COBLL1: variants seen among roughly 807,000 people sequenced by gnomAD.
COBLL1 encodes the protein cordon-bleu WH2 repeat protein like 1.
In COBLL1, 50 loss-of-function variants were observed where a neutral mutation model predicts 94.8. The ratio of observed to expected loss-of-function variants is 0.53; its 90% CI spans 0.42 to 0.67. The LOEUF is 0.67. COBLL1 is among the 30% of genes least tolerant of loss of function. The probability of loss-of-function intolerance (pLI) is 0.00; values close to 1 mark genes in which losing one functional copy is unlikely to be tolerated. For missense variants in COBLL1, 1,362 were observed against 1,348.7 expected (o/e 1.01, Z -0.15); for synonymous variants, 448 against 473.8 (o/e 0.95, Z 0.71).
Position 164,694,785 on chromosome 2 carries a change from C to CA in COBLL1, c.2606dup (p.Leu869PhefsTer25), listed in dbSNP as rs374805044. The CA allele has an allele frequency of 7.2e-5, 114 of 1,591,242 alleles. No homozygotes were observed. The highest frequency in any genetic ancestry group is 8.2e-5 in the African/African-American group (6 of 73,502). On this transcript the variant is annotated frameshift_variant, in exon 12 of 14. Transcript: ENST00000652658. LOFTEE classifies it high-confidence loss of function. Reference sequence around the variant, plus strand: ...GACCCGATACTCTCTTCTGCATCTGCAAAAAAAAAGAGCTGGGTTTGGCCT... The same window carrying CA: ...GACCCGATACTCTCTTCTGCATCTGCAAAAAAAAAAGAGCTGGGTTTGGCCT...
intron 2 of COBLL1, among the ~76,000 whole-genome samples, chr2:164,760,678 A>C (rs567740891): frequency 7.9e-5 from 12 of 152,200 alleles, no homozygotes; most frequent in Admixed American, 2.6e-4. Flanking sequence ...GAAAGCTAGA[A>C]GAAGGGCACA....
chr2:164,735,408 G>A (rs757142688), intron 3 of COBLL1, among the ~76,000 whole-genome samples: 4 of 152,086 alleles, frequency 2.6e-5, no homozygotes, highest in Non-Finnish European at 4.4e-5. Context: ...CATTAAATAG[G>A]GTTAAGATCT....
chr2:164,666,083 G>A (rs1484655566), intron 1 of COBLL1, among the ~76,000 whole-genome samples: 1 of 152,112 alleles, frequency 6.6e-6, no homozygotes, highest in Non-Finnish European at 1.5e-5. Flanking sequence ...TATAGTTTAT[G>A]TATTGAAACA....
intron 2 of COBLL1, among the ~76,000 whole-genome samples, chr2:164,830,763 T>C (rs1449888514): frequency 6.6e-6 from 1 of 152,190 alleles, no homozygotes; most frequent in African/African-American, 2.4e-5. Context: ...TTCAAAATGA[T>C]GTATGGTAAA....
intron 2 of COBLL1, among the ~76,000 whole-genome samples, chr2:164,665,624 CT>C (rs572891972): frequency 6.3e-4 from 96 of 152,210 alleles, no homozygotes; most frequent in Admixed American, 1.6e-3. Flanking sequence ...ACCATTGCTG[CT>C]ATTTATTCAA....
chr2:164,829,971 A>C (rs1682991581), intron 2 of COBLL1, among the ~76,000 whole-genome samples: 1 of 152,208 alleles, frequency 6.6e-6, no homozygotes, highest in South Asian at 2.1e-4. Flanking sequence ...GGTGTGACAT[A>C]GATCCACATT....
At chr2:164,813,264 A>C (rs1684546401) in intron 2 of COBLL1, among the ~76,000 whole-genome samples, 1 of 152,130 alleles carries the variant, frequency 6.6e-6, no homozygotes, top group East Asian at 1.9e-4. Flanking sequence ...TTTTGGTTTA[A>C]TCAACAAAGA....
intron 13 of COBLL1, chr2:164,687,649 T>C (rs932971739): frequency 2.2e-6 from 2 of 899,348 alleles, no homozygotes; most frequent in African/African-American, 1.6e-5. Flanking sequence ...AAAGGCCTAT[T>C]ATCAAGGTCC....
chr2:164,671,771 G>A (rs2105387738), intron 1 of COBLL1, among the ~76,000 whole-genome samples: 1 of 151,418 alleles, frequency 6.6e-6, no homozygotes, highest in East Asian at 1.9e-4. Flanking sequence ...TACTTGGAAT[G>A]GCTTAGGACA....
At chr2:164,738,795 T>C (rs918418583) in intron 3 of COBLL1, among the ~76,000 whole-genome samples, 4 of 152,184 alleles carry the variant, frequency 2.6e-5, no homozygotes, top group Non-Finnish European at 5.9e-5. Context: ...AAATTTGAAA[T>C]GCTCCAATAA....
At chr2:164,837,236 GA>G (rs1683357304) in intron 2 of COBLL1, among the ~76,000 whole-genome samples, 2 of 151,744 alleles carry the variant, frequency 1.3e-5, no homozygotes, top group Admixed American at 6.6e-5. Context: ...TTTAAATTTC[GA>G]AGGATTTTTT....
At chr2:164,797,790 CT>C (rs1683545725) in intron 2 of COBLL1, among the ~76,000 whole-genome samples, 1 of 152,196 alleles carries the variant, frequency 6.6e-6, no homozygotes, top group Admixed American at 6.5e-5. Context: ...CACCTTCTTC[CT>C]CCTTGCAAAC....
At chr2:164,701,200 A>G (rs1327788605) in intron 9 of COBLL1, among the ~76,000 whole-genome samples, 1 of 152,192 alleles carries the variant, frequency 6.6e-6, no homozygotes, top group Non-Finnish European at 1.5e-5. Context: ...AATAGTTATT[A>G]GTACCAACTA....
At chr2:164,839,397 A>AG (rs1400201323) in intron 2 of COBLL1, among the ~76,000 whole-genome samples, 110 of 106,528 alleles carry the variant, frequency 1.0e-3, no homozygotes, top group African/African-American at 5.1e-3. Flanking sequence ...GTTTCGGATC[A>AG]ACTAGGCAAC....
At chr2:164,750,736 C>T (rs1466951505) in intron 2 of COBLL1, among the ~76,000 whole-genome samples, 1 of 152,152 alleles carries the variant, frequency 6.6e-6, no homozygotes, top group Non-Finnish European at 1.5e-5. Flanking sequence ...AATTCTTTTC[C>T]TTGGCTTGCA....
Position 164,695,055 on chromosome 2 carries a change from T to C in COBLL1, c.2337A>G (p.Gln779=), listed in dbSNP as rs776787096. 1.2e-6 allele frequency: 2 copies of C among 1,613,894 alleles called. No individual in the cohort carries two copies. Among genetic ancestry groups the C allele is most frequent in the South Asian group, 2.2e-5 (2 of 91,076 alleles). ...TTTCAGAAATAGCAGAATCTTCTGT[T>C]TGGATGGCAGTTTCTTTCACATTCT... The part of the protein sequence containing the change: ...THENVKETAI[Q]TEDSAISESP... The change falls in exon 12 of 14, where the codon CAA becomes CAG. Residue 779 remains glutamine (Q), a synonymous_variant. Transcript: ENST00000652658.
At chr2:164,723,270 G>A (rs1441720338) in intron 5 of COBLL1, 1 of 152,106 alleles carries the variant, frequency 6.6e-6, no homozygotes, top group Admixed American at 6.6e-5. Context: ...AAGGGCAAAT[G>A]TCAAACCTCA....
rs1197476225 is a variant in COBLL1, at chr2:164,841,127, T to G, written c.41+29A>C. 2 of 1,228,944 alleles carry G rather than the reference T, an allele frequency of 1.6e-6. No homozygotes were observed. Among genetic ancestry groups the G allele is most frequent in the Non-Finnish European group, 2.0e-6 (2 of 986,250 alleles). The allele number at this position is 1,228,944 out of a possible 1,614,324, so 76.1% of individuals were successfully genotyped here. A position where few individuals can be genotyped will look rare whatever the true frequency, so the allele number is the denominator to read the frequency against. ...TCCTCGCCGGCCTCGCCCTCCCCGGTGAGAGGCGGCGCGGCGCTCTGGGCT... is the reference window on the plus strand; with the variant it reads ...TCCTCGCCGGCCTCGCCCTCCCCGGGGAGAGGCGGCGCGGCGCTCTGGGCT... On this transcript the variant is annotated intron_variant, in intron 2 of 13. Coordinates refer to ENST00000652658, the MANE Select transcript of COBLL1 (RefSeq NM_001365672.2). This position sits in a 1 kb window ranked among gnomAD's most constrained non-coding sequence, Gnocchi z 5.5.
chr2:164,701,814 C>T (rs993289074), intron 9 of COBLL1, among the ~76,000 whole-genome samples: 1 of 133,446 alleles, frequency 7.5e-6, no homozygotes, highest in African/African-American at 2.8e-5. Flanking sequence ...TGGATTTTTG[C>T]TAAATATAAT....
Sources: gnomAD v4.1 joint callset for allele counts (sites outside exome capture counted in the v4.1 genomes callset) on GRCh38, gnomAD v4.1.1 for gene constraint, Gnocchi (gnomAD v3.1) non-coding constraint, MANE v1.5 for transcripts, NCBI Gene and HGNC (gene_info 2026-07-23, HGNC 2026-07-21) for gene names.